PLEKHM3: variants seen among roughly 807,000 people sequenced by gnomAD.
PLEKHM3 encodes pleckstrin homology domain-containing family M member 3.
A neutral mutation model predicts 81.8 loss-of-function variants in PLEKHM3; 45 were observed. The ratio of observed to expected loss-of-function variants is 0.55; its 90% CI spans 0.43 to 0.71. PLEKHM3 has a LOEUF of 0.71. Ranked by LOEUF, PLEKHM3 falls within the 30% of genes least tolerant of loss-of-function variation. The pLI is 0.00. For missense variants in PLEKHM3, 788 were observed against 924.3 expected, an observed-to-expected ratio of 0.85 and a Z score of 1.91; for synonymous variants, 352 against 356.4, an observed-to-expected ratio of 0.99 and a Z score of 0.14.
At chr2:207,921,819 T>C (rs1169877456) in intron 5 of PLEKHM3, among the ~76,000 whole-genome samples, 1 of 152,250 alleles carries the variant, frequency 6.6e-6, no homozygotes, top group Non-Finnish European at 1.5e-5. Context: ...CTCATCCATA[T>C]TGCTGTGAAT....
intron 2 of PLEKHM3, among the ~76,000 whole-genome samples, chr2:207,997,474 C>A (rs746663751): frequency 6.6e-6 from 1 of 152,020 alleles, no homozygotes; most frequent in Non-Finnish European, 1.5e-5. Flanking sequence ...AGAAAAAGAG[C>A]CAGGTAAAAA....
intron 6 of PLEKHM3, among the ~76,000 whole-genome samples, chr2:207,898,013 G>A (rs929628812): frequency 1.3e-5 from 2 of 152,194 alleles, no homozygotes; most frequent in Admixed American, 1.3e-4. Flanking sequence ...GAGTCCAGCT[G>A]TCAGCCTGTG....
chr2:207,885,629 T>C (rs1441556464), intron 6 of PLEKHM3, among the ~76,000 whole-genome samples: 5 of 152,258 alleles, frequency 3.3e-5, no homozygotes. Context: ...AATGACTGTT[T>C]AGGTTTTTCT....
intron 6 of PLEKHM3, among the ~76,000 whole-genome samples, chr2:207,869,339 G>A (rs1481973280): frequency 1.3e-5 from 2 of 152,080 alleles, no homozygotes; most frequent in Admixed American, 6.6e-5. Flanking sequence ...AGAAGGAAAC[G>A]TGTAGCTCTT....
chr2:207,947,577 C>G (rs1006759131), intron 3 of PLEKHM3, among the ~76,000 whole-genome samples: 5 of 152,234 alleles, frequency 3.3e-5, no homozygotes, highest in African/African-American at 1.2e-4. Context: ...TTCTGGTCTA[C>G]AGCTTTCATT....
At chr2:207,879,787 A>T (rs10194385) in intron 6 of PLEKHM3, among the ~76,000 whole-genome samples, 4,542 of 152,316 alleles carry the variant, frequency 0.03, 219 homozygotes, top group African/African-American at 0.1. Context: ...AGAAAGGCCA[A>T]AATGGGCAAT....
chr2:208,009,341 C>T (rs1692609960), intron 1 of PLEKHM3, among the ~76,000 whole-genome samples: 1 of 152,194 alleles, frequency 6.6e-6, no homozygotes, highest in African/African-American at 2.4e-5. Flanking sequence ...CAAATGCCAC[C>T]TCTTCCGCAA....
intron 6 of PLEKHM3, among the ~76,000 whole-genome samples, chr2:207,891,116 C>T (rs1489610156): frequency 2.0e-5 from 3 of 152,166 alleles, no homozygotes; most frequent in Non-Finnish European, 4.4e-5. Flanking sequence ...ATGTAGGAAA[C>T]ACCCTTTGTA....
At chr2:207,910,007 A>G (rs1383206237) in intron 5 of PLEKHM3, among the ~76,000 whole-genome samples, 2 of 152,358 alleles carry the variant, frequency 1.3e-5, no homozygotes, top group African/African-American at 4.8e-5. Flanking sequence ...GGACTGGAGT[A>G]GGTGTATTCT....
At chr2:207,840,929 T>A (rs13005515) in intron 7 of PLEKHM3, among the ~76,000 whole-genome samples, 4 of 151,032 alleles carry the variant, frequency 2.6e-5, no homozygotes, top group African/African-American at 9.7e-5. Context: ...GCCTCTCAGG[T>A]GGCTGGGATT....
intron 6 of PLEKHM3, among the ~76,000 whole-genome samples, chr2:207,905,898 C>T (rs887113083): frequency 6.6e-6 from 1 of 151,820 alleles, no homozygotes; most frequent in African/African-American, 2.4e-5. Flanking sequence ...AAGTAAGCTG[C>T]TTGGCATGTA....
chr2:207,868,539 T>A (rs2092515089), intron 6 of PLEKHM3: 1 of 152,200 alleles, frequency 6.6e-6, no homozygotes, highest in African/African-American at 2.4e-5. Flanking sequence ...CCTCTTTGAG[T>A]CTCAGTTTCC....
At chr2:208,018,225 T>G (rs956229888) in intron 1 of PLEKHM3, among the ~76,000 whole-genome samples, 1 of 151,928 alleles carries the variant, frequency 6.6e-6, no homozygotes, top group African/African-American at 2.4e-5. Context: ...ATACAAAAAT[T>G]AGCTGGGAGT....
chr2:207,830,694 C>A (rs75048746), intron 7 of PLEKHM3, among the ~76,000 whole-genome samples: 18 of 143,830 alleles, frequency 1.3e-4, no homozygotes, highest in Admixed American at 6.1e-4. Context: ...GACACTTCTT[C>A]TAAGTGTCCT....
intron 7 of PLEKHM3, among the ~76,000 whole-genome samples, chr2:207,833,929 C>T (rs967186694): frequency 1.3e-5 from 2 of 152,182 alleles, no homozygotes; most frequent in African/African-American, 4.8e-5. Context: ...ATTTTAAACA[C>T]ATCATTTGAT....
chr2:207,880,789 CCAAAA>C (rs2092586632), intron 6 of PLEKHM3, among the ~76,000 whole-genome samples: 2 of 25,096 alleles, frequency 8.0e-5, no homozygotes, highest in African/African-American at 2.3e-4. Flanking sequence ...AAAAAAAAAA[CCAAAA>C]AAACAAACAA....
At chr2:207,919,809 T>C (rs756632476) in intron 5 of PLEKHM3, among the ~76,000 whole-genome samples, 13 of 152,176 alleles carry the variant, frequency 8.5e-5, no homozygotes, top group Non-Finnish European at 1.3e-4. Context: ...ACTAGAAAGA[T>C]AGTTATTTTC....
chr2:207,886,618 A>G (rs1284033442), intron 6 of PLEKHM3, among the ~76,000 whole-genome samples: 1 of 152,210 alleles, frequency 6.6e-6, no homozygotes, highest in African/African-American at 2.4e-5. Context: ...CCTGCAGCCA[A>G]CTCTCTGTTG....
At chr2:208,017,240 T>C (rs886732372) in intron 1 of PLEKHM3, among the ~76,000 whole-genome samples, 2 of 152,228 alleles carry the variant, frequency 1.3e-5, no homozygotes, top group African/African-American at 4.8e-5. Context: ...CTCACCTTTT[T>C]TGGAGTGCAA....
Sources: gnomAD v4.1 joint callset for allele counts (sites outside exome capture counted in the v4.1 genomes callset) on GRCh38, gnomAD v4.1.1 for gene constraint, MANE v1.5 for transcripts, NCBI Gene and HGNC (gene_info 2026-07-23, HGNC 2026-07-21) for gene names.